The following LYRM4 variants were observed in gnomAD, a reference collection of about 807,000 sequenced individuals.
LYRM4 encodes LYR motif containing 4, also known as LYR motif-containing protein 4.
Under a neutral mutation model 11.7 loss-of-function variants are expected in LYRM4, and 9 were observed. That is an observed-to-expected ratio of 0.77 (90% CI 0.46 to 1.34). The LOEUF (loss-of-function observed/expected upper bound fraction) is 1.34. Among genes scored for constraint, LYRM4 ranks in the 40% most tolerant of loss-of-function variants. The pLI is 0.00. For synonymous variants in LYRM4, 42 were observed against 40.4 expected, an observed-to-expected ratio of 1.04 and a Z score of -0.15; for missense variants, 133 against 112.5, an observed-to-expected ratio of 1.18 and a Z score of -0.82.
intron 2 of LYRM4, among the ~76,000 whole-genome samples, chr6:5,126,853 G>A (rs920027014): frequency 5.9e-5 from 9 of 152,186 alleles, no homozygotes; most frequent in African/African-American, 1.2e-4. Flanking sequence ...GAGTGAGTGC[G>A]AATGAGTACG....
chr6:5,161,747 A>G (rs1262122469), intron 2 of LYRM4, among the ~76,000 whole-genome samples: 1 of 152,200 alleles, frequency 6.6e-6, no homozygotes, highest in African/African-American at 2.4e-5. Context: ...CACAGTATTG[A>G]CATACTTGCG....
intron 2 of LYRM4, among the ~76,000 whole-genome samples, chr6:5,214,978 C>T (rs1368000371): frequency 6.6e-6 from 1 of 152,024 alleles, no homozygotes; most frequent in Non-Finnish European, 1.5e-5. Flanking sequence ...CATGCCACTG[C>T]TCCAGTGCGT....
At chr6:5,100,040 C>T (rs9504326), downstream of LYRM4, among the ~76,000 whole-genome samples, 1,867 of 152,336 alleles carry the variant, frequency 0.012, 31 homozygotes, top group South Asian at 0.088. Context: ...CCTCTCTTTA[C>T]CATCTTGGAC....
At chr6:5,111,011 T>C (rs1369177673) in intron 2 of LYRM4, among the ~76,000 whole-genome samples, 1 of 152,198 alleles carries the variant, frequency 6.6e-6, no homozygotes, top group Non-Finnish European at 1.5e-5. Flanking sequence ...ACAGGGACTT[T>C]CTGGCCTTCC....
chr6:5,147,183 C>T (rs930073332), intron 2 of LYRM4, among the ~76,000 whole-genome samples: 3 of 152,066 alleles, frequency 2.0e-5, no homozygotes, highest in Admixed American at 6.5e-5. Context: ...GTGTTTGAGT[C>T]CACAAAAAAA....
At position 5,216,732 on chromosome 6, in the gene LYRM4, A is replaced by G. The variant is rs781369324; in HGVS notation, c.93T>C (p.Tyr31=). ...AGGCATCTCTTATCCTCCTGACAGC[A>G]TATGTTCTAAATGAATTCAGAGGAA... ...KRFSAYNYRT[Y]AVRRIRDAFR... Residue 31 remains tyrosine (Y), a synonymous_variant, in exon 2 of 3, where the codon TAT becomes TAC. Coordinates refer to ENST00000330636, the MANE Select transcript of LYRM4 (RefSeq NM_020408.6). 8.1e-6 allele frequency: 13 copies of G among 1,612,674 alleles called. No homozygotes were observed. Among genetic ancestry groups the G allele is most frequent in the Admixed American group, 5.0e-5 (3 of 59,964 alleles).
chr6:5,206,058 A>T (rs1248704388), intron 2 of LYRM4, among the ~76,000 whole-genome samples: 1 of 152,236 alleles, frequency 6.6e-6, no homozygotes, highest in African/African-American at 2.4e-5. Flanking sequence ...GCAAGAAAAC[A>T]CACTTGCTGG....
intron 2 of LYRM4, among the ~76,000 whole-genome samples, chr6:5,137,077 C>T (rs929316407): frequency 3.9e-5 from 6 of 152,166 alleles, no homozygotes; most frequent in African/African-American, 7.2e-5. Flanking sequence ...TTCACAGAAA[C>T]GAAATCACAC....
the LYRM4 span, among the ~76,000 whole-genome samples, chr6:5,071,701 G>A: frequency 2.0e-5 from 3 of 151,972 alleles, no homozygotes; most frequent in Non-Finnish European, 2.9e-5. Context: ...GCAGTGGCAC[G>A]ATCTCAGCTC....
At chr6:5,040,627 CA>C in the LYRM4 span, among the ~76,000 whole-genome samples, 1 of 151,858 alleles carries the variant, frequency 6.6e-6, no homozygotes, top group Non-Finnish European at 1.5e-5. Flanking sequence ...TATTTCAAAA[CA>C]GCTTCAACTT....
chr6:5,194,063 G>A (rs1357872893), intron 2 of LYRM4, among the ~76,000 whole-genome samples: 2 of 122,680 alleles, frequency 1.6e-5, no homozygotes, highest in Non-Finnish European at 3.3e-5. Flanking sequence ...AACCAACAGG[G>A]TGTGTGTGGG....
At chr6:5,217,595 C>A (rs1762347684) in intron 1 of LYRM4, among the ~76,000 whole-genome samples, 1 of 152,250 alleles carries the variant, frequency 6.6e-6, no homozygotes, top group African/African-American at 2.4e-5. Context: ...TGGCCCAAAG[C>A]CTGTTACATA....
chr6:5,158,575 T>C (rs1758557817), intron 2 of LYRM4, among the ~76,000 whole-genome samples: 1 of 151,784 alleles, frequency 6.6e-6, no homozygotes, highest in African/African-American at 2.4e-5. Flanking sequence ...CTCTTGGGCT[T>C]AAGCGATTCT....
At chr6:5,089,532 T>C in the LYRM4 span, 7 of 152,256 alleles carry the variant, frequency 4.6e-5, no homozygotes, top group Non-Finnish European at 1.0e-4. Context: ...CCATTAAATC[T>C]GGACTCAAAC....
At chr6:5,146,494 G>A (rs989916420) in intron 2 of LYRM4, among the ~76,000 whole-genome samples, 11 of 152,178 alleles carry the variant, frequency 7.2e-5, no homozygotes, top group Non-Finnish European at 1.3e-4. Context: ...ATACCCCCAG[G>A]CAGGACCTGG....
At chr6:5,168,524 T>C (rs1759223223) in intron 2 of LYRM4, among the ~76,000 whole-genome samples, 1 of 152,096 alleles carries the variant, frequency 6.6e-6, no homozygotes, top group African/African-American at 2.4e-5. Flanking sequence ...GCTTGGGTTC[T>C]CCAAAACCAA....
intron 2 of LYRM4, among the ~76,000 whole-genome samples, chr6:5,194,417 C>A (rs777282296): frequency 2.0e-5 from 3 of 152,094 alleles, no homozygotes; most frequent in Non-Finnish European, 4.4e-5. Flanking sequence ...GTAATGAGCA[C>A]CAGCTTTACT....
At chr6:5,088,790 T>A in the LYRM4 span, 1 of 152,212 alleles carries the variant, frequency 6.6e-6, no homozygotes, top group Non-Finnish European at 1.5e-5. Context: ...TAATCTTGTT[T>A]AGAATAAACA....
rs1764103619 is a variant in LYRM4, at chr6:5,245,109, AAAAAATATATATATATATATAT to A, written c.86+15517_86+15538del. 3.2e-4 allele frequency among the ~76,000 whole-genome samples: 13 copies of A among 40,130 alleles called. 1 individual carries two copies. Among genetic ancestry groups the A allele is most frequent in the African/African-American group, 1.3e-3 (11 of 8,346 alleles). The allele number at this position is 40,130 out of a possible 152,430, so 26.3% of individuals were successfully genotyped here. The stretch of plus-strand genomic sequence containing the variant: ...GACCTTAAAAAAAAAAAAAAAAAAA[AAAAAATATATATATATATATAT>A]ATATATATATATATATATATATATA... On this transcript the variant is annotated intron_variant, in intron 1 of 2. Transcript: ENST00000330636.
Sources: allele counts gnomAD v4.1 joint callset (sites outside exome capture counted in the v4.1 genomes callset), GRCh38; gene constraint gnomAD v4.1.1; transcripts MANE v1.5; gene names NCBI Gene and HGNC (gene_info 2026-07-23, HGNC 2026-07-21).